The following MSN variants were observed in gnomAD, a reference collection of about 807,000 sequenced individuals.
MSN encodes moesin.
Under a neutral mutation model 48.0 loss-of-function variants are expected in MSN, and 2 were observed. The ratio of observed to expected loss-of-function variants is 0.04; its 90% CI spans 0.02 to 0.13. The LOEUF is 0.13. MSN is among the 10% of genes least tolerant of loss of function. The pLI is 1.00. For synonymous variants in MSN, 146 were observed against 166.9 expected (o/e 0.87, Z 0.97); for missense variants, 267 against 470.1 (o/e 0.57, Z 3.99).
chrX:65,702,642 G>C (rs1437268817), intron 1 of MSN, among the ~76,000 whole-genome samples: 1 of 102,308 alleles, frequency 9.8e-6, no homozygotes, highest in East Asian at 2.9e-4. Context: ...CTCCAGCCTG[G>C]GTGACAGAGT....
At chrX:65,735,761 G>T (rs1373098242) in intron 8 of MSN, among the ~76,000 whole-genome samples, 3 of 112,200 alleles carry the variant, frequency 2.7e-5, no homozygotes, top group African/African-American at 9.7e-5. Context: ...AATAAGAAAA[G>T]ACCAAAAATC....
At chrX:65,650,487 G>A (rs924838302) in intron 1 of MSN, among the ~76,000 whole-genome samples, 4 of 112,202 alleles carry the variant, frequency 3.6e-5, no homozygotes, top group Non-Finnish European at 7.5e-5. Flanking sequence ...AGCCTCCTTT[G>A]GGCTCAGCCC....
In MSN at chrX:65,738,602, G is replaced by C; in HGVS notation, c.1329G>C (p.Val443=). ...GACAGAAGAAGGAGAGTGAGGCTGT[G>C]GAGTGGCAGCAGAAGGTAAGACACA... The part of the protein sequence containing the change: ...MARQKKESEA[V]EWQQKAQMVQ... The change falls in exon 11 of 13, where the codon GTG becomes GTC. Residue 443 remains valine, a synonymous_variant. Coordinates refer to ENST00000360270, the MANE Select transcript of MSN (RefSeq NM_002444.3). 1 of 1,208,556 alleles carries C rather than the reference G, an allele frequency of 8.3e-7. No homozygotes were observed. The highest frequency in any genetic ancestry group is 3.0e-5 in the East Asian group (1 of 33,687).
chrX:65,678,534 A>G (rs754693805), intron 1 of MSN, among the ~76,000 whole-genome samples: 1 of 111,427 alleles, frequency 9.0e-6, no homozygotes, highest in Admixed American at 9.6e-5. Flanking sequence ...TGGAGCAGGT[A>G]AAGCCTTCCA....
In MSN at chrX:65,712,791, T is replaced by C. The variant is rs762096916; in HGVS notation, c.13-4027T>C. Reference sequence around the variant, plus strand: ...TATGACCATATAAGAAGCCATTTTGTGGCTGTACTATATACATTATTTAAG... The same window carrying C: ...TATGACCATATAAGAAGCCATTTTGCGGCTGTACTATATACATTATTTAAG... On this transcript the variant is annotated intron_variant, in intron 1 of 12. Transcript: ENST00000360270. Among the ~76,000 whole-genome samples the C allele has an allele frequency of 1.1e-4, 12 of 111,787 alleles. No homozygotes were observed. The South Asian group carries it at 1.5e-3, about 14-fold the overall frequency.
At position 65,729,672 on chromosome X, in the gene MSN, A is replaced by G. The variant is rs1373451486; in HGVS notation, c.427A>G (p.Lys143Glu). The G allele has an allele frequency of 8.3e-7, 1 of 1,211,163 alleles. No individual in the cohort carries two copies. The highest frequency in any genetic ancestry group is 1.1e-6 in the Non-Finnish European group (1 of 895,293). Reference sequence around the variant, plus strand: ...TGGCGACTTCAATAAGGAAGTGCATAAGTCTGGCTACCTGGCCGGAGACAA... The same window carrying G: ...TGGCGACTTCAATAAGGAAGTGCATGAGTCTGGCTACCTGGCCGGAGACAA... ...KYGDFNKEVH[K>E]SGYLAGDKLL... Residue 143 changes from lysine (K) to glutamate (E), a missense_variant, in exon 4 of 13, where the codon AAG becomes GAG. Physicochemically the swap from Lys to Glu is moderately conservative, Grantham distance 56. Around this residue, in one of 5 missense-constraint regions of MSN, gnomAD observed 89 missense variants for 151.0 expected, o/e 0.59. Coordinates refer to ENST00000360270, the MANE Select transcript of MSN (RefSeq NM_002444.3).
intron 1 of MSN, among the ~76,000 whole-genome samples, chrX:65,642,417 A>T (rs770786073): frequency 7.6e-4 from 81 of 107,267 alleles, no homozygotes; most frequent in African/African-American, 2.6e-3. Flanking sequence ...TAAATATATT[A>T]TTTTGGAAGA....
intron 2 of MSN, among the ~76,000 whole-genome samples, chrX:65,726,324 A>G (rs1196023530): frequency 1.8e-5 from 2 of 111,871 alleles, no homozygotes; most frequent in East Asian, 2.8e-4. Context: ...TACAAGCTCT[A>G]TAGTCAGACA....
At chrX:65,684,398 C>T (rs1443513453) in intron 1 of MSN, among the ~76,000 whole-genome samples, 1 of 111,361 alleles carries the variant, frequency 9.0e-6, no homozygotes, top group African/African-American at 3.3e-5. Context: ...ATAAGCAAAT[C>T]AGCAAATAGG....
upstream of MSN, among the ~76,000 whole-genome samples, chrX:65,664,552 C>G (rs1163173380): frequency 9.0e-6 from 1 of 111,036 alleles, no homozygotes. Flanking sequence ...GTCTTTTCCT[C>G]TTTCTGATCC....
At chrX:65,655,516 G>A (rs914190691) in intron 1 of MSN, among the ~76,000 whole-genome samples, 1 of 111,985 alleles carries the variant, frequency 8.9e-6, no homozygotes, top group Non-Finnish European at 1.9e-5. Flanking sequence ...TGTAACCTTT[G>A]TCAACAAACT....
intron 1 of MSN, among the ~76,000 whole-genome samples, chrX:65,637,059 C>T (rs1223531756): frequency 3.8e-5 from 4 of 104,908 alleles, no homozygotes; most frequent in Non-Finnish European, 3.9e-5. Context: ...CACTGCTCTC[C>T]AGCCTGGACG....
intron 1 of MSN, among the ~76,000 whole-genome samples, chrX:65,606,582 C>T (rs1291937921): frequency 8.9e-6 from 1 of 111,979 alleles, no homozygotes; most frequent in Non-Finnish European, 1.9e-5. Flanking sequence ...GCCACCATGC[C>T]CAGCTAATTT....
intron 1 of MSN, among the ~76,000 whole-genome samples, chrX:65,712,232 TGCCTTCAGG>T (rs950105518): frequency 4.5e-5 from 5 of 111,984 alleles, no homozygotes; most frequent in African/African-American, 1.6e-4. Context: ...TACTTGTTCC[TGCCTTCAGG>T]GCCTTTCCTG....
Position 65,740,034 on chromosome X carries a change from G to A in MSN, c.*141G>A. On this transcript the variant is annotated 3_prime_UTR_variant, in exon 13 of 13. Coordinates refer to ENST00000360270, the MANE Select transcript of MSN (RefSeq NM_002444.3). Reference sequence around the variant, plus strand: ...ATGCCAAGCATTTAATGTAGCCATGGGACCAAACCTAGCCCCTTAGCCCCC... The same window carrying A: ...ATGCCAAGCATTTAATGTAGCCATGAGACCAAACCTAGCCCCTTAGCCCCC... The A allele has an allele frequency of 1.5e-6, 1 of 661,249 alleles. No individual in the cohort carries two copies. Among genetic ancestry groups the A allele is most frequent in the Non-Finnish European group, 2.2e-6 (1 of 456,320 alleles). The allele number at this position is 661,249 out of a possible 1,213,427, so 54.5% of individuals were successfully genotyped here.
At chrX:65,609,417 A>G (rs2148353928) in intron 1 of MSN, among the ~76,000 whole-genome samples, 1 of 111,032 alleles carries the variant, frequency 9.0e-6, no homozygotes, top group Non-Finnish European at 1.9e-5. Flanking sequence ...GAGGAAAGGG[A>G]GGGGCAGAGA....
At chrX:65,639,028 G>A (rs1392182237) in intron 1 of MSN, among the ~76,000 whole-genome samples, 1 of 112,639 alleles carries the variant, frequency 8.9e-6, no homozygotes, top group African/African-American at 3.2e-5. Flanking sequence ...CAAATTTGTG[G>A]ACCTTTAGAT....
upstream of MSN, among the ~76,000 whole-genome samples, chrX:65,664,072 A>G (rs903741383): frequency 9.0e-6 from 1 of 110,517 alleles, no homozygotes; most frequent in Admixed American, 9.7e-5. Context: ...AAAAAAAAAA[A>G]AAAGAAAGAA....
chrX:65,739,608 T>C, intron 12 of MSN, 121 bp from the exon 13 acceptor site: 1 of 774,757 alleles, frequency 1.3e-6, no homozygotes, highest in African/African-American at 2.2e-5. Context: ...TCAATATTTA[T>C]ATATAGAGAG....
Sources: gnomAD v4.1 joint callset for allele counts (sites outside exome capture counted in the v4.1 genomes callset) on GRCh38, gnomAD v4.1.1 for gene constraint, gnomAD v4.1.1 regional missense constraint, MANE v1.5 for transcripts, NCBI Gene and HGNC (gene_info 2026-07-23, HGNC 2026-07-21) for gene names.